SAMMSON: variants seen among roughly 807,000 people sequenced by gnomAD.
SAMMSON encodes the protein long intergenic non-protein coding RNA 1212.
chr3:70,336,183 A>C (rs1054827876), intron 7 of SAMMSON, among the ~76,000 whole-genome samples: 1 of 152,050 alleles, frequency 6.6e-6, no homozygotes, highest in African/African-American at 2.4e-5. Context: ...AGTAATATAT[A>C]TCATGGCTTT....
chr3:70,079,718 G>A (rs548004596), intron 4 of SAMMSON, among the ~76,000 whole-genome samples: 2 of 152,104 alleles, frequency 1.3e-5, no homozygotes, highest in Non-Finnish European at 2.9e-5. Context: ...TTTGACTTAC[G>A]GTACTTTCAA....
intron 4 of SAMMSON, among the ~76,000 whole-genome samples, chr3:70,170,145 T>C (rs891249689): frequency 5.3e-5 from 8 of 151,940 alleles, no homozygotes; most frequent in African/African-American, 1.9e-4. Context: ...TTTATGATTT[T>C]ATAGTTAAAT....
chr3:70,401,093 C>G (rs914152061), intron 2 of SAMMSON, among the ~76,000 whole-genome samples: 4 of 152,080 alleles, frequency 2.6e-5, no homozygotes, highest in Non-Finnish European at 4.4e-5. Flanking sequence ...AGTCTTTATT[C>G]CTTTTGTTTT....
At chr3:70,245,164 T>C (rs922933964) in intron 4 of SAMMSON, among the ~76,000 whole-genome samples, 17 of 152,124 alleles carry the variant, frequency 1.1e-4, no homozygotes, top group African/African-American at 4.1e-4. Context: ...ACATTAACTA[T>C]TTAGGGTGCT....
At chr3:70,407,998 T>C (rs1417936959) in intron 2 of SAMMSON, among the ~76,000 whole-genome samples, 1 of 152,256 alleles carries the variant, frequency 6.6e-6, no homozygotes, top group Non-Finnish European at 1.5e-5. Flanking sequence ...TTCTGTGAAC[T>C]CGCAGGCTCA....
At chr3:70,213,166 T>C (rs534031006) in intron 4 of SAMMSON, among the ~76,000 whole-genome samples, 49 of 152,104 alleles carry the variant, frequency 3.2e-4, no homozygotes, top group Non-Finnish European at 5.6e-4. Flanking sequence ...TAGAGACAGG[T>C]TCTTGATATG....
intron 4 of SAMMSON, among the ~76,000 whole-genome samples, chr3:70,156,364 C>T (rs1398748866): frequency 1.3e-5 from 2 of 151,950 alleles, no homozygotes; most frequent in Admixed American, 1.3e-4. Flanking sequence ...GTATTTTGAG[C>T]CCAGTGTATA....
At chr3:70,274,652 A>C (rs961351468) in intron 6 of SAMMSON, among the ~76,000 whole-genome samples, 2 of 152,074 alleles carry the variant, frequency 1.3e-5, no homozygotes, top group African/African-American at 4.8e-5. Context: ...GGGGAGGGAG[A>C]GCTTAATACC....
At chr3:70,188,954 C>T (rs952753998) in intron 4 of SAMMSON, among the ~76,000 whole-genome samples, 2 of 152,190 alleles carry the variant, frequency 1.3e-5, no homozygotes, top group Non-Finnish European at 2.9e-5. Flanking sequence ...ACAGGGCATT[C>T]TGGAGCAGGA....
chr3:70,179,719 T>G (rs942414902), intron 4 of SAMMSON, among the ~76,000 whole-genome samples: 1 of 152,156 alleles, frequency 6.6e-6, no homozygotes, highest in Non-Finnish European at 1.5e-5. Flanking sequence ...GGAAGAGAAC[T>G]TAAGAGTTTT....
chr3:70,199,673 A>G (rs1013791906), intron 4 of SAMMSON, among the ~76,000 whole-genome samples: 3 of 152,304 alleles, frequency 2.0e-5, no homozygotes, highest in South Asian at 2.1e-4. Context: ...TTGTTTGCAC[A>G]AGCAGTTCAG....
chr3:70,226,606 C>T lies in SAMMSON; in HGVS notation n.508-22501C>T, dbSNP rs562547194. On this transcript the variant is annotated intron_variant and non_coding_transcript_variant, in intron 4 of 9. Transcript: ENST00000642114. ...TACAAAAATTAGCCAGGCATGGTGGCGGGTGCCTGTAATCCCAGCTTCTCG... is the reference window on the plus strand; with the variant it reads ...TACAAAAATTAGCCAGGCATGGTGGTGGGTGCCTGTAATCCCAGCTTCTCG... Among the ~76,000 whole-genome samples, 473 of 151,662 alleles carry T rather than the reference C, an allele frequency of 3.1e-3. 1 individual carries two copies. The highest frequency in any genetic ancestry group is 0.01 in the African/African-American group (428 of 41,352).
intron 7 of SAMMSON, among the ~76,000 whole-genome samples, chr3:70,321,367 A>C (rs1453092217): frequency 6.6e-6 from 1 of 152,030 alleles, no homozygotes. Context: ...TTTTTGCCTA[A>C]ATTATTTTAT....
At chr3:70,422,661 A>G (rs1701322425) in intron 2 of SAMMSON, among the ~76,000 whole-genome samples, 1 of 152,072 alleles carries the variant, frequency 6.6e-6, no homozygotes, top group Non-Finnish European at 1.5e-5. Flanking sequence ...GGGTCATCAT[A>G]AAGCCAAGAA....
chr3:70,029,884 C>A (rs530790379), intron 3 of SAMMSON, among the ~76,000 whole-genome samples: 78 of 152,022 alleles, frequency 5.1e-4, no homozygotes, highest in Admixed American at 2.0e-3. Flanking sequence ...ATTTGAGTAT[C>A]GTTTGCATTA....
At chr3:70,302,790 A>G (rs562549672) in intron 7 of SAMMSON, 6 of 152,314 alleles carry the variant, frequency 3.9e-5, no homozygotes, top group African/African-American at 1.4e-4. Context: ...GCACTGATTA[A>G]TTCATCTGGT....
chr3:70,139,861 C>G (rs2067520917), intron 4 of SAMMSON, among the ~76,000 whole-genome samples: 1 of 152,154 alleles, frequency 6.6e-6, no homozygotes, highest in Non-Finnish European at 1.5e-5. Context: ...CTAATCTCCC[C>G]ATTGTCCTGA....
At chr3:70,389,394 C>A (rs1701023660) in intron 9 of SAMMSON, among the ~76,000 whole-genome samples, 1 of 152,064 alleles carries the variant, frequency 6.6e-6, no homozygotes, top group African/African-American at 2.4e-5. Context: ...TCTGAATATT[C>A]TATATAAACA....
chr3:70,190,304 A>G (rs1421859732), intron 4 of SAMMSON, among the ~76,000 whole-genome samples: 4 of 152,000 alleles, frequency 2.6e-5, no homozygotes, highest in African/African-American at 9.7e-5. Flanking sequence ...TTGCAATTGC[A>G]CCTTTCTCAG....
Sources: gnomAD v4.1 joint callset for allele counts (sites outside exome capture counted in the v4.1 genomes callset) on GRCh38, gnomAD v4.1.1 for gene constraint, MANE v1.5 for transcripts, NCBI Gene and HGNC (gene_info 2026-07-23, HGNC 2026-07-21) for gene names.